The following B4GALNT3 variants were observed in gnomAD, a reference collection of about 807,000 sequenced individuals.
B4GALNT3 encodes the protein beta-1,4-N-acetylgalactosaminyltransferase 3.
In B4GALNT3, 86 loss-of-function variants were observed where a neutral mutation model predicts 120.2. The ratio of observed to expected loss-of-function variants is 0.72; its 90% confidence interval spans 0.60 to 0.86. The LOEUF is 0.86. Ranked by LOEUF, B4GALNT3 falls within the 40% of genes least tolerant of loss-of-function variation. B4GALNT3 has a pLI of 0.00. For missense variants in B4GALNT3, 1,167 were observed against 1,298.9 expected (o/e 0.90, Z 1.56); for synonymous variants, 518 against 510.4 (o/e 1.01, Z -0.20).
chr12:559,667 C>A (rs989990675), intron 19 of B4GALNT3, among the ~76,000 whole-genome samples: 1 of 152,070 alleles, frequency 6.6e-6, no homozygotes, highest in Admixed American at 6.5e-5. Context: ...ATGCCTGGTA[C>A]ACCGTGTACC....
At chr12:554,107 C>A (rs1384156211) in intron 14 of B4GALNT3, 124 bp downstream of exon 14, 1 of 683,746 alleles carries the variant, frequency 1.5e-6, no homozygotes, top group Non-Finnish European at 2.4e-6. Context: ...GAACTTTGCC[C>A]CCGACTCAGG....
Position 508,600 on chromosome 12 carries a change from C to T in B4GALNT3, c.170-26566C>T, listed in dbSNP as rs144045668. Among the ~76,000 whole-genome samples, 549 of 152,268 alleles carry T rather than the reference C, an allele frequency of 3.6e-3. 1 individual carries two copies. Among genetic ancestry groups the T allele is most frequent in the African/African-American group, 0.012 (516 of 41,538 alleles). On this transcript the variant is annotated intron_variant, in intron 1 of 19. Coordinates refer to ENST00000266383, the MANE Select transcript of B4GALNT3 (RefSeq NM_173593.4). ...GTCCCCCAGAATTGGGCACAGCCTCCGATCGGCCTTATTCCTCTCACTTAA... is the reference window on the plus strand; with the variant it reads ...GTCCCCCAGAATTGGGCACAGCCTCTGATCGGCCTTATTCCTCTCACTTAA...
chr12:558,811 C>T, intron 18 of B4GALNT3, 150 bp downstream of exon 18: 1 of 857,204 alleles, frequency 1.2e-6, no homozygotes, highest in Non-Finnish European at 1.8e-6. Context: ...CCGGAAAACT[C>T]ACCAGACAAG....
intron 1 of B4GALNT3, among the ~76,000 whole-genome samples, chr12:531,603 T>C (rs897637342): frequency 6.6e-6 from 1 of 152,030 alleles, no homozygotes; most frequent in African/African-American, 2.4e-5. Flanking sequence ...TAAGCTATGA[T>C]TGTACCACTG....
At chr12:499,614 G>A (rs549424697) in intron 1 of B4GALNT3, among the ~76,000 whole-genome samples, 104 of 134,734 alleles carry the variant, frequency 7.7e-4, no homozygotes, top group Middle Eastern at 9.0e-3. Flanking sequence ...TGGAGCCCGT[G>A]CTCTCACTAT....
At chr12:473,354 G>T (rs902113930) in intron 1 of B4GALNT3, among the ~76,000 whole-genome samples, 1 of 152,190 alleles carries the variant, frequency 6.6e-6, no homozygotes, top group African/African-American at 2.4e-5. Context: ...TGGCTAGGAT[G>T]TAGTGAGGTG....
Position 460,290 on chromosome 12 carries a change from GGGCGCCCTGGGCGC to G in B4GALNT3, c.-84_-71del, listed in dbSNP as rs1946006582. ...CCCTGAGACGCTGGGCCGGGACGCG[GGGCGCCCTGGGCGC>G]GGGGCCCGGCCGGGGGGCGGCGGCT... On this transcript the variant is annotated 5_prime_UTR_variant, in exon 1 of 20. Transcript: ENST00000266383. This position sits in a 1 kb window ranked among gnomAD's most constrained non-coding sequence, Gnocchi z 8.0. 8 of 925,142 alleles carry G rather than the reference GGGCGCCCTGGGCGC, an allele frequency of 8.6e-6. No individual in the cohort carries two copies. In the South Asian group the frequency reaches 3.9e-4, roughly 45 times the overall value. The allele number at this position is 925,142 out of a possible 1,614,324, so 57.3% of individuals were successfully genotyped here. A position where few individuals can be genotyped will look rare whatever the true frequency, so the allele number is the denominator to read the frequency against.
chr12:515,565 G>A (rs11063352), intron 1 of B4GALNT3, among the ~76,000 whole-genome samples: 76,892 of 151,984 alleles, frequency 0.51, 19,792 homozygotes, highest in East Asian at 0.7. Flanking sequence ...CTGGCATATT[G>A]TAAATGCTAA....
chr12:506,190 G>C (rs1408456669), intron 1 of B4GALNT3, among the ~76,000 whole-genome samples: 3 of 152,024 alleles, frequency 2.0e-5, no homozygotes, highest in Non-Finnish European at 4.4e-5. Flanking sequence ...CTAGCAACAG[G>C]AAAATCGTTC....
chr12:546,669 G>A lies in B4GALNT3; in HGVS notation c.663G>A (p.Pro221=). The change falls in exon 7 of 20, where the codon CCG becomes CCA. Residue 221 remains proline (P), a synonymous_variant. Transcript: ENST00000266383. ...VGKTGKEWTA[P]GEFGKFRSQI... ...AGACTGGAAAGGAGTGGACCGCCCC[G>A]GGAGAGTTTGGGAAATTTCGGAGCC... 4.5e-6 allele frequency: 7 copies of A among 1,551,534 alleles called. No homozygotes were observed. The highest frequency in any genetic ancestry group is 2.4e-5 in the East Asian group (1 of 40,912).
Position 460,459 on chromosome 12 carries a change from C to T in B4GALNT3, c.83C>T (p.Ala28Val), listed in dbSNP as rs376271214. 15 of 1,580,688 alleles carry T rather than the reference C, an allele frequency of 9.5e-6. No homozygotes were observed. Among genetic ancestry groups the T allele is most frequent in the African/African-American group, 4.1e-5 (3 of 72,478 alleles). ...LLRRRFRLLL[A>V]LAVVSVGLWT... Reference sequence around the variant, plus strand: ...CGGAGGCGCTTCCGGCTGCTGCTGGCGCTCGCCGTGGTGTCTGTGGGGCTC... The same window carrying T: ...CGGAGGCGCTTCCGGCTGCTGCTGGTGCTCGCCGTGGTGTCTGTGGGGCTC... Residue 28 changes from alanine (A) to valine (V), a missense_variant, in exon 1 of 20, where the codon GCG (alanine) becomes GTG (valine). Around this residue, in one of 3 missense-constraint regions of B4GALNT3, gnomAD observed 171 missense variants for 161.3 expected, o/e 1.06. Coordinates refer to ENST00000266383, the MANE Select transcript of B4GALNT3 (RefSeq NM_173593.4). The surrounding 1 kb of genome is among the most constrained non-coding windows in gnomAD (Gnocchi z 8.0).
chr12:557,589 GCCTGACCC>G lies in B4GALNT3; in HGVS notation c.2381-14_2381-7del, dbSNP rs2120743498. On this transcript the variant is annotated splice_polypyrimidine_tract_variant and intron_variant, in intron 15 of 19. Coordinates refer to ENST00000266383, the MANE Select transcript of B4GALNT3 (RefSeq NM_173593.4). ...TGCCTTGTCTGTGTTTCCTTCTCCT[GCCTGACCC>G]CCTGGGGTAGTGAAGAACCAGGCAC... 6.2e-7 allele frequency: 1 copy of G among 1,600,018 alleles called. No individual in the cohort carries two copies. The highest frequency in any genetic ancestry group is 2.2e-5 in the East Asian group (1 of 44,722).
At chr12:468,947 A>G (rs2120425909) in intron 1 of B4GALNT3, among the ~76,000 whole-genome samples, 2 of 152,342 alleles carry the variant, frequency 1.3e-5, no homozygotes, top group South Asian at 4.1e-4. Context: ...GGAAATAGAG[A>G]AACCACATTC....
chr12:525,260 C>T (rs920633035), intron 1 of B4GALNT3, among the ~76,000 whole-genome samples: 3 of 152,078 alleles, frequency 2.0e-5, no homozygotes, highest in African/African-American at 7.2e-5. Context: ...AGGTAAGCAC[C>T]ACCACACCCC....
intron 15 of B4GALNT3, 132 bp from the exon 16 acceptor site, chr12:557,476 A>G: frequency 2.4e-6 from 2 of 842,098 alleles, no homozygotes; most frequent in Non-Finnish European, 3.7e-6. Context: ...ATGGTTTTGC[A>G]GAGTTGCACT....
chr12:548,711 A>G lies in B4GALNT3; in HGVS notation c.853+414A>G, dbSNP rs1947038371. 1.3e-5 allele frequency among the ~76,000 whole-genome samples: 2 copies of G among 152,022 alleles called. No individual in the cohort carries two copies. On this transcript the variant is annotated intron_variant, in intron 9 of 19. Coordinates refer to ENST00000266383, the MANE Select transcript of B4GALNT3 (RefSeq NM_173593.4). The surrounding 1 kb of genome is among the most constrained non-coding windows in gnomAD (Gnocchi z 4.9). ...GATTGCTTGAGCCCAGGAGTTCGAG[A>G]CCAGCCCAGGCCACATAGCGACACC...
chr12:461,852 C>G (rs1416100700), intron 1 of B4GALNT3, among the ~76,000 whole-genome samples: 1 of 152,194 alleles, frequency 6.6e-6, no homozygotes, highest in Non-Finnish European at 1.5e-5. Context: ...CTGGCTCTGC[C>G]ACTAACTAGC....
At chr12:545,687 AGGTGTGG>A (rs1565608115) in intron 6 of B4GALNT3, among the ~76,000 whole-genome samples, 19 of 111,818 alleles carry the variant, frequency 1.7e-4, no homozygotes, top group East Asian at 1.1e-3. Flanking sequence ...GGGAGGAGCG[AGGTGTGG>A]GGAGGAGTGA....
intron 1 of B4GALNT3, among the ~76,000 whole-genome samples, chr12:489,298 G>T (rs992109450): frequency 4.1e-5 from 6 of 148,098 alleles, no homozygotes; most frequent in African/African-American, 1.5e-4. Context: ...GAACAAATCT[G>T]CATGTTCTGC....
Sources: allele counts gnomAD v4.1 joint callset (sites outside exome capture counted in the v4.1 genomes callset), GRCh38; gene constraint gnomAD v4.1.1; regional missense constraint gnomAD v4.1.1; non-coding constraint Gnocchi (gnomAD v3.1); transcripts MANE v1.5; gene names NCBI Gene and HGNC (gene_info 2026-07-23, HGNC 2026-07-21).